Variants in CHSY3 observed in about 807,000 individuals in gnomAD.
CHSY3 encodes chondroitin sulfate synthase 3, also known as N-acetylgalactosaminyl-proteoglycan 3-beta-glucuronosyltransferase 3.
A neutral mutation model predicts 67.2 loss-of-function variants in CHSY3; 35 were observed. That is an observed-to-expected ratio of 0.52 (90% CI 0.40 to 0.69). The LOEUF is 0.69. CHSY3 is among the 30% of genes least tolerant of loss of function. The pLI is 0.00. For missense variants in CHSY3, 1,069 were observed against 1,138.5 expected, an observed-to-expected ratio of 0.94 and a Z score of 0.88; for synonymous variants, 474 against 434.7, an observed-to-expected ratio of 1.09 and a Z score of -1.12.
intron 1 of CHSY3, among the ~76,000 whole-genome samples, chr5:129,906,792 C>G (rs1212928233): frequency 2.0e-5 from 3 of 152,188 alleles, no homozygotes; most frequent in African/African-American, 7.2e-5. Flanking sequence ...TACTCGTAGC[C>G]TCATTGCTTC....
Position 130,159,560 on chromosome 5 carries a change from G to A in CHSY3, c.1087-24669G>A, listed in dbSNP as rs140776838. On this transcript the variant is annotated intron_variant, in intron 2 of 2. Transcript: ENST00000305031. ...GCACTTTTCTTTTACTTATTGTGCA[G>A]CCTCTTCTTACTGCTTTTTTTCATT... Among the ~76,000 whole-genome samples the A allele has an allele frequency of 2.4e-3, 364 of 152,230 alleles. 1 individual carries two copies. Among genetic ancestry groups the A allele is most frequent in the African/African-American group, 7.7e-3 (319 of 41,544 alleles).
chr5:129,955,358 G>T (rs973573663), intron 2 of CHSY3, among the ~76,000 whole-genome samples: 6 of 151,998 alleles, frequency 3.9e-5, no homozygotes, highest in African/African-American at 1.4e-4. Flanking sequence ...CTCACCAAGT[G>T]ATCTGCATTT....
At chr5:130,057,079 A>G (rs568246209) in intron 2 of CHSY3, among the ~76,000 whole-genome samples, 26 of 148,154 alleles carry the variant, frequency 1.8e-4, no homozygotes, top group African/African-American at 6.0e-4. Context: ...GCCCACCACC[A>G]CTCCCAGCTA....
intron 2 of CHSY3, among the ~76,000 whole-genome samples, chr5:130,151,213 T>C (rs1357070450): frequency 6.6e-6 from 1 of 152,178 alleles, no homozygotes; most frequent in East Asian, 1.9e-4. Flanking sequence ...ACAGGTACAC[T>C]TTTAAGTTTT....
Position 129,904,987 on chromosome 5 carries a change from C to A in CHSY3, c.158C>A (p.Ala53Asp). 6.4e-7 allele frequency: 1 copy of A among 1,567,542 alleles called. No individual in the cohort carries two copies. Among genetic ancestry groups the A allele is most frequent in the Admixed American group, 1.8e-5 (1 of 56,520 alleles). Residue 53 changes from alanine (A) to aspartate (D), a missense_variant, in exon 1 of 3, where the codon GCT becomes GAT. Physicochemically the swap from Ala to Asp is moderately radical, Grantham distance 126 (BLOSUM62 -2). Coordinates refer to ENST00000305031, the MANE Select transcript of CHSY3 (RefSeq NM_175856.5). ...TGCTCCTACTACGGTCGCTCTGCTG[C>A]TGGCCCCCGCGCCGGCGCTCAGCAG... ...SLCSYYGRSAAGPRAGAQQPL... is the reference protein window; with the variant it reads ...SLCSYYGRSADGPRAGAQQPL...
chr5:129,949,343 C>A (rs1318708044), intron 2 of CHSY3, among the ~76,000 whole-genome samples: 1 of 151,890 alleles, frequency 6.6e-6, no homozygotes, highest in African/African-American at 2.4e-5. Context: ...GACCTGGAAA[C>A]CTAGAAATAA....
intron 2 of CHSY3, among the ~76,000 whole-genome samples, chr5:130,074,912 A>G (rs1298631208): frequency 1.3e-5 from 2 of 152,044 alleles, no homozygotes; most frequent in Admixed American, 6.6e-5. Context: ...CTTTTAACTT[A>G]ATTGCCACAT....
intron 2 of CHSY3, among the ~76,000 whole-genome samples, chr5:130,120,486 GAAAAAAAAAAAAA>G (rs34727574): frequency 5.2e-5 from 5 of 95,842 alleles, no homozygotes; most frequent in African/African-American, 1.1e-4. Flanking sequence ...ATTTCTGAAA[GAAAAAAAAAAAAA>G]AAAAAAAAAG....
At chr5:130,132,203 G>A (rs961624559) in intron 2 of CHSY3, among the ~76,000 whole-genome samples, 1 of 152,102 alleles carries the variant, frequency 6.6e-6, no homozygotes, top group Admixed American at 6.5e-5. Flanking sequence ...CTCATAGCAA[G>A]CATTTAAGAA....
At chr5:130,126,657 G>C (rs1320647160) in intron 2 of CHSY3, among the ~76,000 whole-genome samples, 1 of 152,118 alleles carries the variant, frequency 6.6e-6, no homozygotes, top group East Asian at 1.9e-4. Context: ...ATAATTTTAT[G>C]TTTTTCTCTA....
intron 2 of CHSY3, among the ~76,000 whole-genome samples, chr5:130,034,538 A>G (rs2149661876): frequency 6.6e-6 from 1 of 152,280 alleles, no homozygotes; most frequent in East Asian, 1.9e-4. Flanking sequence ...ACAGATATTT[A>G]TGGTACAGGC....
At chr5:130,082,942 C>CA (rs752109984) in intron 2 of CHSY3, among the ~76,000 whole-genome samples, 51 of 151,552 alleles carry the variant, frequency 3.4e-4, no homozygotes, top group Admixed American at 1.1e-3. Context: ...CTGCAGCCAA[C>CA]AATCATGGCA....
chr5:130,091,146 G>GCGCGCGCACA (rs1554082166), intron 2 of CHSY3, among the ~76,000 whole-genome samples: 2 of 149,440 alleles, frequency 1.3e-5, no homozygotes, highest in African/African-American at 5.0e-5. Flanking sequence ...GCACACGCGC[G>GCGCGCGCACA]CACACACACA....
intron 2 of CHSY3, among the ~76,000 whole-genome samples, chr5:130,096,639 T>C (rs1178968401): frequency 6.6e-6 from 1 of 152,210 alleles, no homozygotes; most frequent in Non-Finnish European, 1.5e-5. Context: ...TTTAATTTGC[T>C]TTGATTTTTT....
At chr5:129,947,391 G>A (rs10044606) in intron 2 of CHSY3, among the ~76,000 whole-genome samples, 151,063 of 152,242 alleles carry the variant, frequency 0.99, 74,951 homozygotes, top group Middle Eastern at 1. Flanking sequence ...TGGGAGGCTG[G>A]GGTGGGTGAT....
intron 2 of CHSY3, among the ~76,000 whole-genome samples, chr5:130,157,613 G>A (rs1022475651): frequency 5.3e-5 from 8 of 152,202 alleles, no homozygotes; most frequent in Non-Finnish European, 1.2e-4. Context: ...CGAACAGAGA[G>A]GCACTGAATC....
intron 2 of CHSY3, among the ~76,000 whole-genome samples, chr5:129,928,768 A>G (rs533000715): frequency 6.6e-6 from 1 of 152,292 alleles, no homozygotes; most frequent in African/African-American, 2.4e-5. Flanking sequence ...ATTGATTTAT[A>G]TTGATATGTA....
chr5:130,177,245 A>G (rs1366885950), intron 2 of CHSY3, among the ~76,000 whole-genome samples: 2 of 151,306 alleles, frequency 1.3e-5, no homozygotes, highest in African/African-American at 4.9e-5. Flanking sequence ...ATATATATAT[A>G]TATGTTTTGT....
At chr5:130,001,009 G>C (rs1763712359) in intron 2 of CHSY3, among the ~76,000 whole-genome samples, 1 of 151,260 alleles carries the variant, frequency 6.6e-6, no homozygotes, top group Admixed American at 6.6e-5. Flanking sequence ...TCCTGCCTCA[G>C]CCTCCCGAGT....
Sources: gnomAD v4.1 joint callset for allele counts (sites outside exome capture counted in the v4.1 genomes callset) on GRCh38, gnomAD v4.1.1 for gene constraint, MANE v1.5 for transcripts, NCBI Gene and HGNC (gene_info 2026-07-23, HGNC 2026-07-21) for gene names.